UBAP2: variants seen among roughly 807,000 people sequenced by gnomAD.
UBAP2 encodes ubiquitin-associated protein 2.
Under a neutral mutation model 139.6 loss-of-function variants are expected in UBAP2, and 75 were observed. The observed-to-expected ratio is 0.54, with a 90% CI of 0.45 to 0.65. UBAP2 has a LOEUF of 0.65. Among genes scored for constraint, UBAP2 ranks in the 30% least tolerant of loss-of-function variants. UBAP2 has a pLI of 0.00. For missense variants in UBAP2, 1,368 were observed against 1,369.6 expected, an observed-to-expected ratio of 1.00 and a Z score of 0.02; for synonymous variants, 526 against 526.2, an observed-to-expected ratio of 1.00 and a Z score of 0.01.
At chr9:34,016,370 C>CGGCGGCGGCGGTGGT (rs1321174650) in intron 2 of UBAP2, among the ~76,000 whole-genome samples, 2 of 93,690 alleles carry the variant, frequency 2.1e-5, no homozygotes, top group African/African-American at 9.8e-5. Context: ...GCGGCAGCGG[C>CGGCGGCGGCGGTGGT]GGTGGTGGTG....
intron 11 of UBAP2, among the ~76,000 whole-genome samples, 184 bp from the exon 12 acceptor site, chr9:33,953,658 G>C (rs1313796467): frequency 6.6e-6 from 1 of 152,204 alleles, no homozygotes; most frequent in African/African-American, 2.4e-5. Context: ...CCAAGCCACA[G>C]AGACTGAAGC....
chr9:33,965,174 C>G (rs1248217605), intron 8 of UBAP2, among the ~76,000 whole-genome samples: 2 of 152,184 alleles, frequency 1.3e-5, no homozygotes, highest in African/African-American at 4.8e-5. Flanking sequence ...ATTTCTGACC[C>G]TCTCCAAGTG....
intron 1 of UBAP2, among the ~76,000 whole-genome samples, chr9:34,048,558 G>A (rs772046222): frequency 5.3e-5 from 8 of 152,150 alleles, no homozygotes; most frequent in Non-Finnish European, 8.8e-5. Flanking sequence ...GCACCCCTGG[G>A]GCTGGGTGGG....
At chr9:34,039,434 T>C (rs552354198) in intron 1 of UBAP2, among the ~76,000 whole-genome samples, 1 of 152,130 alleles carries the variant, frequency 6.6e-6, no homozygotes, top group Non-Finnish European at 1.5e-5. Context: ...GGGGAAAAGA[T>C]AGAGAAATCA....
chr9:34,040,579 T>C (rs1335804021), intron 1 of UBAP2, among the ~76,000 whole-genome samples: 2 of 152,036 alleles, frequency 1.3e-5, no homozygotes, highest in African/African-American at 4.8e-5. Flanking sequence ...TACACTCTAA[T>C]TAATTAAAAA....
chr9:33,960,738 C>A (rs1826979677), intron 10 of UBAP2, 88 bp downstream of exon 10: 16 of 1,310,836 alleles, frequency 1.2e-5, no homozygotes, highest in South Asian at 2.4e-5. Flanking sequence ...CAAGATCACG[C>A]CATTGCATTC....
intron 1 of UBAP2, among the ~76,000 whole-genome samples, chr9:34,035,882 A>C (rs1826320118): frequency 7.6e-6 from 1 of 132,168 alleles, no homozygotes; most frequent in Non-Finnish European, 1.6e-5. Flanking sequence ...TCAAGGACAT[A>C]CTGCACATTC....
Position 33,921,845 on chromosome 9 carries a change from ATT to A in UBAP2, c.*657_*658del, listed in dbSNP as rs66460243. Reference sequence around the variant, plus strand: ...GCTGACTGGCTGAATAACTCAGATTATTTTTTTTTTTTTCATGGTCAGCCAGT... The same window carrying A: ...GCTGACTGGCTGAATAACTCAGATTATTTTTTTTTTTCATGGTCAGCCAGT... On this transcript the variant is annotated 3_prime_UTR_variant, in exon 29 of 29. Coordinates refer to ENST00000379238, the MANE Select transcript of UBAP2 (RefSeq NM_001370062.2). 317 of 146,878 alleles carry A rather than the reference ATT, an allele frequency of 2.2e-3. 2 individuals carry two copies. The highest frequency in any genetic ancestry group is 7.4e-3 in the African/African-American group (295 of 40,106). 9.1% of individuals were successfully genotyped at this position (146,878 alleles called of 1,614,324 possible).
intron 16 of UBAP2, among the ~76,000 whole-genome samples, chr9:33,937,196 A>G (rs879832259): frequency 3.3e-5 from 5 of 152,158 alleles, no homozygotes; most frequent in Non-Finnish European, 7.3e-5. Context: ...GTCTAAAACC[A>G]GGATGGAAAA....
Position 33,941,873 on chromosome 9 carries a change from T to C in UBAP2, c.1716-11A>G. On this transcript the variant is annotated splice_polypyrimidine_tract_variant and intron_variant, in intron 15 of 28. Coordinates refer to ENST00000379238, the MANE Select transcript of UBAP2 (RefSeq NM_001370062.2). ...GTATTCAAAGGCTCACTGAAAAGAG[T>C]CAAAAATATTCAACATAATTTTGTT... The C allele has an allele frequency of 6.3e-7, 1 of 1,587,528 alleles. No homozygotes were observed. The highest frequency in any genetic ancestry group is 8.6e-7 in the Non-Finnish European group (1 of 1,160,646).
At position 34,017,056 on chromosome 9, in the gene UBAP2, C is replaced by T. The variant is rs751982106; in HGVS notation, c.93G>A (p.Val31=). The change falls in exon 2 of 29, where the codon GTG becomes GTA. Residue 31 remains valine (V), a synonymous_variant. Coordinates refer to ENST00000379238, the MANE Select transcript of UBAP2 (RefSeq NM_001370062.2). ...GAGTTCCACAAAAACTTACCTGTACCACTTGTTTCTGTGGTTGCGTTGATT... is the reference window on the plus strand; with the variant it reads ...GAGTTCCACAAAAACTTACCTGTACTACTTGTTTCTGTGGTTGCGTTGATT... ...AAQSTQPQKQ[V]VQATAEQMRL... The T allele has an allele frequency of 6.3e-7, 1 of 1,593,734 alleles. No homozygotes were observed. Among genetic ancestry groups the T allele is most frequent in the South Asian group, 1.2e-5 (1 of 86,192 alleles).
At chr9:33,927,662 C>T in intron 20 of UBAP2, 135 bp downstream of exon 20, 2 of 898,638 alleles carry the variant, frequency 2.2e-6, no homozygotes, top group Non-Finnish European at 1.6e-6. Flanking sequence ...GAGATTGGGC[C>T]TCAAGGTCAG....
chr9:33,981,683 G>C (rs1329115526), intron 6 of UBAP2, among the ~76,000 whole-genome samples: 1 of 151,742 alleles, frequency 6.6e-6, no homozygotes, highest in African/African-American at 2.4e-5. Context: ...CATTGATATA[G>C]AACTGCTTGA....
At chr9:33,960,038 T>C (rs777966037) in intron 10 of UBAP2, among the ~76,000 whole-genome samples, 12 of 152,110 alleles carry the variant, frequency 7.9e-5, no homozygotes, top group Non-Finnish European at 1.6e-4. Flanking sequence ...CAAGAGATCC[T>C]CCTGCCTTAG....
At chr9:33,963,188 A>G (rs1424136632) in intron 9 of UBAP2, among the ~76,000 whole-genome samples, 1 of 152,156 alleles carries the variant, frequency 6.6e-6, no homozygotes, top group Non-Finnish European at 1.5e-5. Flanking sequence ...ATGCAACATG[A>G]TAGAGTGGTA....
At position 33,924,075 on chromosome 9, in the gene UBAP2, G is replaced by A. The variant is rs112904629; in HGVS notation, c.2591-75C>T. On this transcript the variant is annotated intron_variant, in intron 23 of 28. Coordinates refer to ENST00000379238, the MANE Select transcript of UBAP2 (RefSeq NM_001370062.2). ...AGGCCACACTGGCTTCTGCAAACAGGAACAGGTCTGGCTGCCAGCTCAGCA... is the reference window on the plus strand; with the variant it reads ...AGGCCACACTGGCTTCTGCAAACAGAAACAGGTCTGGCTGCCAGCTCAGCA... 7 of 1,593,976 alleles carry A rather than the reference G, an allele frequency of 4.4e-6. No homozygotes were observed. The African/African-American group carries it at 5.4e-5, about 12-fold the overall frequency.
intron 6 of UBAP2, among the ~76,000 whole-genome samples, chr9:33,977,916 G>C (rs1820295170): frequency 1.3e-5 from 2 of 150,730 alleles, no homozygotes; most frequent in South Asian, 4.2e-4. Context: ...TCGGGAGGCT[G>C]AGGCAGGAGA....
chr9:33,950,611 G>A (rs1826018783), intron 12 of UBAP2, among the ~76,000 whole-genome samples: 1 of 152,118 alleles, frequency 6.6e-6, no homozygotes, highest in South Asian at 2.1e-4. Flanking sequence ...TTTTCAGGTT[G>A]CCCAATACAC....
chr9:34,030,137 TA>T (rs896690084), intron 1 of UBAP2, among the ~76,000 whole-genome samples: 1 of 149,838 alleles, frequency 6.7e-6, no homozygotes, highest in African/African-American at 2.5e-5. Flanking sequence ...CCCGTCTCTA[TA>T]AAAAAGTTTA....
Sources: gnomAD v4.1 joint callset for allele counts (sites outside exome capture counted in the v4.1 genomes callset) on GRCh38, gnomAD v4.1.1 for gene constraint, MANE v1.5 for transcripts, NCBI Gene and HGNC (gene_info 2026-07-23, HGNC 2026-07-21) for gene names.